Variants in HERC2 observed in about 807,000 individuals in gnomAD.
HERC2 encodes E3 ubiquitin-protein ligase HERC2.
Under a neutral mutation model 537.7 loss-of-function variants are expected in HERC2, and 102 were observed. That is an observed-to-expected ratio of 0.19 (90% CI 0.16 to 0.22). HERC2 has a LOEUF of 0.22. Among genes scored for constraint, HERC2 ranks in the 10% least tolerant of loss-of-function variants. The pLI, the probability that HERC2 is intolerant of heterozygous loss-of-function variation, is 1.00. For synonymous variants in HERC2, 2,224 were observed against 2,466.2 expected (o/e 0.90, Z 2.91); for missense variants, 4,236 against 6,198.2 (o/e 0.68, Z 10.63).
intron 35 of HERC2, among the ~76,000 whole-genome samples, chr15:28,226,865 T>C (rs1434754481): frequency 6.6e-6 from 1 of 152,258 alleles, no homozygotes; most frequent in Non-Finnish European, 1.5e-5. Flanking sequence ...GAAGGTCTAG[T>C]ATACACGAAA....
intron 72 of HERC2, 23 bp from the exon 73 acceptor site, chr15:28,144,258 T>A (rs1891509134): frequency 3.7e-6 from 6 of 1,608,370 alleles, no homozygotes; most frequent in East Asian, 2.2e-5. Flanking sequence ...ACTGTAAACA[T>A]CCCCGGGTTT....
Position 28,196,503 on chromosome 15 carries a change from A to G in HERC2, c.8078T>C (p.Leu2693Pro), listed in dbSNP as rs780728284. Residue 2693 changes from leucine (L) to proline (P), a missense_variant, in exon 51 of 93, where the codon CTA becomes CCA. Leu to Pro is a moderately conservative substitution (Grantham distance 98). This residue lies in a region of HERC2 where 606 missense variants were observed against 884.5 expected (regional missense o/e 0.69). Transcript: ENST00000261609. The part of the protein sequence containing the change: ...FPQQSHWTGL[L>P]SEMELVPSIH... Reference sequence around the variant, plus strand: ...ACTGGGTACCAACTCCATTTCTGATAGCAACCCAGTCCAGTGAGACTGCTG... The same window carrying G: ...ACTGGGTACCAACTCCATTTCTGATGGCAACCCAGTCCAGTGAGACTGCTG... 2 of 1,613,676 alleles carry G rather than the reference A, an allele frequency of 1.2e-6. No homozygotes were observed. The highest frequency in any genetic ancestry group is 2.2e-5 in the East Asian group (1 of 44,874).
chr15:28,144,779 G>T lies in HERC2; in HGVS notation c.11034C>A (p.Ser3678Arg). The change falls in exon 72 of 93, where the codon AGC becomes AGA. Residue 3678 changes from serine to arginine, a missense_variant. Ser to Arg is a moderately radical substitution (Grantham distance 110, BLOSUM62 -1). Coordinates refer to ENST00000261609, the MANE Select transcript of HERC2 (RefSeq NM_004667.6). ...RSGREWSDWSSELRIPGDELK... is the reference protein window; with the variant it reads ...RSGREWSDWSRELRIPGDELK... ...ACTCATCCCCTGGGATGCGCAGCTC[G>T]CTGGACCAGTCGGACCACTCTCGGC... 1 of 1,614,156 alleles carries T rather than the reference G, an allele frequency of 6.2e-7. No homozygotes were observed.
At chr15:28,151,898 A>T (rs1362688201) in intron 70 of HERC2, among the ~76,000 whole-genome samples, 32 of 152,232 alleles carry the variant, frequency 2.1e-4, no homozygotes, top group Non-Finnish European at 3.1e-4. Flanking sequence ...TAACTACAGG[A>T]TGAAGGGAAA....
At chr15:28,125,344 A>C (rs1244120895) in intron 83 of HERC2, 151 bp from the exon 84 acceptor site, 3 of 672,784 alleles carry the variant, frequency 4.5e-6, no homozygotes, top group Non-Finnish European at 8.0e-6. Context: ...CCTAGACATG[A>C]ATGTCTGCTT....
In HERC2 at chr15:28,294,915, C is replaced by T. The variant is rs1047228719; in HGVS notation, c.188-1893G>A. Among the ~76,000 whole-genome samples the T allele has an allele frequency of 3.3e-5, 5 of 152,062 alleles. No homozygotes were observed. The East Asian group carries it at 7.8e-4, about 24-fold the overall frequency. ...GGTTATAAACAGAACTTTAATCAAC[C>T]TCTCCTTGGTTATTTTACTGGTTCC... On this transcript the variant is annotated intron_variant, in intron 3 of 92. Coordinates refer to ENST00000261609, the MANE Select transcript of HERC2 (RefSeq NM_004667.6).
rs1902153484 is a variant in HERC2, at chr15:28,233,942, A to G, written c.4218+128T>C. 4 of 676,202 alleles carry G rather than the reference A, an allele frequency of 5.9e-6. No homozygotes were observed. The Admixed American group carries it at 1.0e-4, about 17-fold the overall frequency. The allele number at this position is 676,202 out of a possible 1,614,324, so 41.9% of individuals were successfully genotyped here. On this transcript the variant is annotated intron_variant, in intron 27 of 92. Transcript: ENST00000261609. ...GTTAACACAATCAGGTTCTCACCTC[A>G]AAACCCTCCAAATAATACATGAAAC...
At chr15:28,186,778 G>C in intron 55 of HERC2, 26 bp from the exon 56 acceptor site, 1 of 1,564,854 alleles carries the variant, frequency 6.4e-7, no homozygotes, top group Non-Finnish European at 8.8e-7. Flanking sequence ...ATGATCTATA[G>C]ACTCTGTAGA....
At chr15:28,276,618 C>T (rs2075881371) in intron 5 of HERC2, among the ~76,000 whole-genome samples, 2 of 151,792 alleles carry the variant, frequency 1.3e-5, no homozygotes, top group African/African-American at 2.4e-5. Context: ...GCCTATAGTC[C>T]CAGCTATATG....
rs144854380 is a variant in HERC2 at position 28,273,177 on chromosome 15, A to G, written c.801-173T>C. 940 of 626,780 alleles carry G rather than the reference A, an allele frequency of 1.5e-3. 8 individuals are homozygous for G. In the African/African-American group the frequency reaches 0.015, roughly 10 times the overall value. The allele number at this position is 626,780 out of a possible 1,614,324, so 38.8% of individuals were successfully genotyped here. A position where few individuals can be genotyped will look rare whatever the true frequency, so the allele number is the denominator to read the frequency against. On this transcript the variant is annotated intron_variant, in intron 7 of 92. Transcript: ENST00000261609. ...AAATTTATTCAGAGATTATAAGTGT[A>G]CAATTAGCTTACACAACTATATTTT... is the stretch of plus-strand genomic sequence containing the variant.
intron 36 of HERC2, among the ~76,000 whole-genome samples, chr15:28,220,910 G>T (rs1223541521): frequency 7.5e-6 from 1 of 132,718 alleles, no homozygotes; most frequent in Non-Finnish European, 1.6e-5. Flanking sequence ...GCCCTGCCCT[G>T]GTCCTTCCAT....
intron 23 of HERC2, among the ~76,000 whole-genome samples, chr15:28,239,241 T>G (rs941011055): frequency 2.0e-5 from 3 of 152,108 alleles, no homozygotes; most frequent in Non-Finnish European, 4.4e-5. Flanking sequence ...TCGAAATTGG[T>G]GACATACAAC....
At chr15:28,117,422 C>A (rs1446724798) in intron 86 of HERC2, 1 of 687,184 alleles carries the variant, frequency 1.5e-6, no homozygotes, top group African/African-American at 1.8e-5. Context: ...AACAAACACA[C>A]CTTCCAACAC....
intron 25 of HERC2, 116 bp downstream of exon 25, chr15:28,237,998 C>A: frequency 1.2e-6 from 1 of 810,996 alleles, no homozygotes; most frequent in Non-Finnish European, 2.2e-6. Context: ...ATATTTATCC[C>A]TAATGCCCCA....
chr15:28,290,836 A>G (rs1201774483), intron 4 of HERC2, among the ~76,000 whole-genome samples: 1 of 152,252 alleles, frequency 6.6e-6, no homozygotes, highest in Non-Finnish European at 1.5e-5. Context: ...AATTTATATT[A>G]TAGTTTTGAA....
chr15:28,274,760 A>G (rs770369286), intron 6 of HERC2, 145 bp downstream of exon 6: 30 of 701,316 alleles, frequency 4.3e-5, no homozygotes, highest in Non-Finnish European at 6.9e-5. Flanking sequence ...CAGCCTCTGC[A>G]GCCTCTCATC....
In HERC2 at chr15:28,272,938, G is replaced by A. The variant is rs1458811695; in HGVS notation, c.867C>T (p.Ala289=). Residue 289 remains alanine (A), a synonymous_variant, in exon 8 of 93, where the codon GCC becomes GCT. Transcript: ENST00000261609. ...CAGCCAGCTCCAGCAGGATGGCCAG[G>A]GCCAAGTGCTGGTCCTGCAGGGGGA... The part of the protein sequence containing the change: ...GSIPLQDQHL[A]LAILLELAVQ... 3 of 1,612,144 alleles carry A rather than the reference G, an allele frequency of 1.9e-6. No individual in the cohort carries two copies. Among genetic ancestry groups the A allele is most frequent in the African/African-American group, 2.7e-5 (2 of 74,884 alleles).
Position 28,257,127 on chromosome 15 carries a change from C to G in HERC2, c.2451G>C (p.Ala817=). ...CTTTCTCCTGGGGCGGGGGCCAGTCCGCGGAACCATCCATCCCCTCACTCA... is the reference window on the plus strand; with the variant it reads ...CTTTCTCCTGGGGCGGGGGCCAGTCGGCGGAACCATCCATCCCCTCACTCA... ...RQVSEGMDGS[A]DWPPPQEKEC... is the part of the protein sequence containing the mutation. The change falls in exon 17 of 93, where the codon GCG becomes GCC. Residue 817 remains alanine (A), a synonymous_variant. Coordinates refer to ENST00000261609, the MANE Select transcript of HERC2 (RefSeq NM_004667.6). The G allele has an allele frequency of 6.2e-7, 1 of 1,613,830 alleles. No homozygotes were observed. The highest frequency in any genetic ancestry group is 1.3e-5 in the African/African-American group (1 of 75,020).
chr15:28,240,581 T>A (rs1903000700), intron 23 of HERC2, among the ~76,000 whole-genome samples: 1 of 152,182 alleles, frequency 6.6e-6, no homozygotes. Context: ...ATAAACAGAT[T>A]ACAAAAACAT....
Sources: gnomAD v4.1 joint callset for allele counts (sites outside exome capture counted in the v4.1 genomes callset) on GRCh38, gnomAD v4.1.1 for gene constraint, gnomAD v4.1.1 regional missense constraint, MANE v1.5 for transcripts, NCBI Gene and HGNC (gene_info 2026-07-23, HGNC 2026-07-21) for gene names.